The following MARCHF1 variants were observed in gnomAD, a reference collection of about 807,000 sequenced individuals.
MARCHF1 encodes E3 ubiquitin-protein ligase MARCHF1.
MARCHF1 carries 40 observed loss-of-function variants against 54.2 expected under a neutral mutation model. The observed-to-expected ratio is 0.74, with a 90% confidence interval of 0.57 to 0.96. MARCHF1 has a LOEUF of 0.96. MARCHF1 is among the 40% of genes least tolerant of loss of function. The pLI is 0.00. For missense variants in MARCHF1, 586 were observed against 656.5 expected (o/e 0.89, Z 1.17); for synonymous variants, 236 against 236.3 (o/e 1.00, Z 0.01).
intron 3 of MARCHF1, among the ~76,000 whole-genome samples, chr4:163,858,758 C>T (rs1204060689): frequency 6.6e-6 from 1 of 152,216 alleles, no homozygotes; most frequent in Admixed American, 6.5e-5. Flanking sequence ...CTATCACTCA[C>T]ATTTGCTGCT....
chr4:163,642,283 T>G (rs1742582134), intron 5 of MARCHF1, among the ~76,000 whole-genome samples: 1 of 151,986 alleles, frequency 6.6e-6, no homozygotes, highest in Admixed American at 6.6e-5. Context: ...TTATACATTC[T>G]TTTTTTTCTT....
At chr4:163,805,399 T>C (rs1027481995) in intron 4 of MARCHF1, among the ~76,000 whole-genome samples, 1 of 151,336 alleles carries the variant, frequency 6.6e-6, no homozygotes, top group Non-Finnish European at 1.5e-5. Context: ...AAGTTTATAG[T>C]TGATACAAGA....
chr4:163,958,244 A>AGTGTGT (rs58660279), intron 3 of MARCHF1, among the ~76,000 whole-genome samples: 5 of 148,542 alleles, frequency 3.4e-5, no homozygotes, highest in Admixed American at 6.7e-5. Context: ...CAATCAAGTG[A>AGTGTGT]GTGTGTGTGT....
chr4:163,951,298 C>T (rs947217793), intron 3 of MARCHF1, among the ~76,000 whole-genome samples: 1 of 152,134 alleles, frequency 6.6e-6, no homozygotes, highest in African/African-American at 2.4e-5. Context: ...TTGTCCTTAA[C>T]TCTCATCTAT....
Position 164,027,392 on chromosome 4 carries a change from A to AAAAAAAAAAAAAAT in MARCHF1, c.-247-38684_-247-38683insATTTTTTTTTTTTT, listed in dbSNP as rs1553971149. The stretch of plus-strand genomic sequence containing the variant: ...AAAAAAAAAAAAAAAAAAAAAAAAA[A>AAAAAAAAAAAAAAT]AGATACATAGATAAATGGATCTATA... On this transcript the variant is annotated intron_variant, in intron 2 of 9. Coordinates refer to ENST00000514618, the MANE Select transcript of MARCHF1 (RefSeq NM_001394959.1). Among the ~76,000 whole-genome samples, 219 of 59,006 alleles carry AAAAAAAAAAAAAAT rather than the reference A, an allele frequency of 3.7e-3. 79 individuals are homozygous for AAAAAAAAAAAAAAT. The highest frequency in any genetic ancestry group is 4.7e-3 in the Non-Finnish European group (141 of 29,976). 38.7% of individuals were successfully genotyped at this position (59,006 alleles called of 152,430 possible). A position where few individuals can be genotyped will look rare whatever the true frequency, so the allele number is the denominator to read the frequency against.
intron 3 of MARCHF1, among the ~76,000 whole-genome samples, chr4:163,980,860 T>C (rs1037306328): frequency 2.6e-5 from 4 of 152,340 alleles, no homozygotes; most frequent in African/African-American, 7.2e-5. Context: ...ATAATTAATT[T>C]TGAATAAAAT....
At chr4:163,762,845 T>C (rs570858493) in intron 4 of MARCHF1, among the ~76,000 whole-genome samples, 195 of 152,074 alleles carry the variant, frequency 1.3e-3, no homozygotes, top group Non-Finnish European at 1.9e-3. Flanking sequence ...AGAACATAAA[T>C]GGCCATTTTA....
intron 4 of MARCHF1, among the ~76,000 whole-genome samples, chr4:163,742,980 C>A (rs558210344): frequency 2.0e-5 from 3 of 152,150 alleles, no homozygotes; most frequent in Non-Finnish European, 4.4e-5. Flanking sequence ...ATGGTTGAAA[C>A]TAAAAAATTG....
At chr4:164,069,693 G>A (rs930230892) in intron 2 of MARCHF1, among the ~76,000 whole-genome samples, 1 of 152,066 alleles carries the variant, frequency 6.6e-6, no homozygotes, top group Non-Finnish European at 1.5e-5. Flanking sequence ...CACTCACCGC[G>A]AGGGTCCATG....
intron 1 of MARCHF1, among the ~76,000 whole-genome samples, chr4:164,290,164 T>C (rs1194925019): frequency 6.6e-6 from 1 of 151,960 alleles, no homozygotes; most frequent in Non-Finnish European, 1.5e-5. Flanking sequence ...AATGTACTCT[T>C]TCCAGTCAGA....
At chr4:164,204,813 C>T (rs1325687240) in intron 1 of MARCHF1, among the ~76,000 whole-genome samples, 1 of 152,156 alleles carries the variant, frequency 6.6e-6, no homozygotes, top group Non-Finnish European at 1.5e-5. Context: ...TATTCAGCTT[C>T]ATCAGAAGGT....
At chr4:163,609,786 G>A (rs1009236333) in intron 7 of MARCHF1, among the ~76,000 whole-genome samples, 2 of 151,710 alleles carry the variant, frequency 1.3e-5, no homozygotes, top group African/African-American at 2.4e-5. Context: ...GCTGAAAATG[G>A]GCTGAGGGAA....
intron 1 of MARCHF1, among the ~76,000 whole-genome samples, chr4:164,382,960 C>T (rs1005695062): frequency 6.6e-6 from 1 of 152,218 alleles, no homozygotes; most frequent in East Asian, 1.9e-4. Context: ...ACGTGAGGCT[C>T]TCTAACTACA....
At chr4:163,570,201 TAGTC>T (rs1343563636) in intron 8 of MARCHF1, among the ~76,000 whole-genome samples, 2 of 152,056 alleles carry the variant, frequency 1.3e-5, no homozygotes, top group Admixed American at 6.6e-5. Flanking sequence ...TAGTGAGAAA[TAGTC>T]AGCTCTTTAA....
At chr4:163,843,644 G>A (rs532524905) in intron 4 of MARCHF1, among the ~76,000 whole-genome samples, 9 of 151,878 alleles carry the variant, frequency 5.9e-5, no homozygotes, top group Non-Finnish European at 8.8e-5. Context: ...CATCACTTAG[G>A]TATTAAGCCC....
rs778300510 is a variant in MARCHF1 at position 163,866,475 on chromosome 4, T to G, written c.-38-12306A>C. 7.8e-4 allele frequency among the ~76,000 whole-genome samples: 114 copies of G among 145,472 alleles called. 5 individuals carry two copies. The highest frequency in any genetic ancestry group is 1.2e-3 in the Non-Finnish European group (79 of 65,856). Reference sequence around the variant, plus strand: ...GATTATAAAGCTGTAGTTATATATATATATATAATAGGACTGTAGTAGTTT... The same window carrying G: ...GATTATAAAGCTGTAGTTATATATAGATATATAATAGGACTGTAGTAGTTT... On this transcript the variant is annotated intron_variant, in intron 3 of 9. Transcript: ENST00000514618.
chr4:163,995,504 T>A (rs1753058958), intron 2 of MARCHF1, among the ~76,000 whole-genome samples: 1 of 151,992 alleles, frequency 6.6e-6, no homozygotes, highest in Non-Finnish European at 1.5e-5. Flanking sequence ...CTGCTTGGTG[T>A]CTCTGAGTGA....
At chr4:163,639,955 A>T (rs922200791) in intron 5 of MARCHF1, among the ~76,000 whole-genome samples, 10 of 152,096 alleles carry the variant, frequency 6.6e-5, no homozygotes, top group Non-Finnish European at 1.3e-4. Flanking sequence ...ACTGATTCCA[A>T]CTTCATCTTC....
At chr4:163,534,580 A>G (rs1460619964) in intron 9 of MARCHF1, among the ~76,000 whole-genome samples, 2 of 152,078 alleles carry the variant, frequency 1.3e-5, no homozygotes, top group African/African-American at 4.8e-5. Flanking sequence ...TTATCAATAT[A>G]TTTACTTAAG....
Sources: gnomAD v4.1 joint callset for allele counts (sites outside exome capture counted in the v4.1 genomes callset) on GRCh38, gnomAD v4.1.1 for gene constraint, MANE v1.5 for transcripts, NCBI Gene and HGNC (gene_info 2026-07-23, HGNC 2026-07-21) for gene names.